The following GFRA1 variants were observed in gnomAD, a reference collection of about 807,000 sequenced individuals.
GFRA1 encodes the protein GDNF family receptor alpha 1, also known as GDNF family receptor alpha-1.
In GFRA1, 16 loss-of-function variants were observed where a neutral mutation model predicts 51.6. The observed-to-expected ratio is 0.31, with a 90% CI of 0.21 to 0.47. The LOEUF is 0.47. Among genes scored for constraint, GFRA1 ranks in the 20% least tolerant of loss-of-function variants. The pLI, the probability that GFRA1 is intolerant of heterozygous loss-of-function variation, is 1.00. For missense variants in GFRA1, 530 were observed against 594.3 expected, an observed-to-expected ratio of 0.89 and a Z score of 1.13; for synonymous variants, 270 against 241.3, an observed-to-expected ratio of 1.12 and a Z score of -1.10.
At chr10:116,218,527 G>T (rs1965714791) in intron 4 of GFRA1, among the ~76,000 whole-genome samples, 1 of 152,158 alleles carries the variant, frequency 6.6e-6, no homozygotes, top group Non-Finnish European at 1.5e-5. Context: ...CCGGAGCATG[G>T]CCAGAGTCCA....
chr10:116,200,221 C>A (rs1964220234), intron 5 of GFRA1, among the ~76,000 whole-genome samples: 1 of 152,112 alleles, frequency 6.6e-6, no homozygotes, highest in Non-Finnish European at 1.5e-5. Context: ...TTCTCTGGGG[C>A]CTGGGTGAGA....
In GFRA1 at chr10:116,219,497, A is replaced by G. The variant is rs562185839; in HGVS notation, c.419-7852T>C. ...ATTATTAAAATCTCTATGATATGAA[A>G]CTATATTAAAATCGATCCCTCTAGC... On this transcript the variant is annotated intron_variant, in intron 4 of 10. Coordinates refer to ENST00000355422, the MANE Select transcript of GFRA1 (RefSeq NM_005264.8). 6.6e-5 allele frequency among the ~76,000 whole-genome samples: 10 copies of G among 152,270 alleles called. No homozygotes were observed. In the South Asian group the frequency reaches 2.1e-3, roughly 32 times the overall value.
At chr10:116,076,535 C>CA (rs1333328363) in intron 9 of GFRA1, among the ~76,000 whole-genome samples, 1 of 152,130 alleles carries the variant, frequency 6.6e-6, no homozygotes, top group Admixed American at 6.5e-5. Context: ...GTGGAGGGTT[C>CA]AAAATCAGCC....
At chr10:116,066,700 T>A (rs1042183083) in intron 9 of GFRA1, among the ~76,000 whole-genome samples, 1 of 152,212 alleles carries the variant, frequency 6.6e-6, no homozygotes, top group Non-Finnish European at 1.5e-5. Context: ...TGCTACCTCC[T>A]GCATCACAGT....
At chr10:116,274,317 C>G (rs1844141273), upstream of GFRA1, among the ~76,000 whole-genome samples, 1 of 152,164 alleles carries the variant, frequency 6.6e-6, no homozygotes, top group African/African-American at 2.4e-5. Context: ...TCGGGGAGAC[C>G]GAGTTTGAAT....
At chr10:116,235,233 G>A (rs570617043) in intron 4 of GFRA1, among the ~76,000 whole-genome samples, 1 of 152,182 alleles carries the variant, frequency 6.6e-6, no homozygotes, top group African/African-American at 2.4e-5. Flanking sequence ...ACAGAGGGAA[G>A]ACACATGTGG....
rs137930980 is a variant in GFRA1, at chr10:116,169,807, C to T, written c.433+41824G>A. Among the ~76,000 whole-genome samples, 211 of 152,256 alleles carry T rather than the reference C, an allele frequency of 1.4e-3. 2 individuals are homozygous for T. In the East Asian group the frequency reaches 0.034, roughly 24 times the overall value. On this transcript the variant is annotated intron_variant, in intron 5 of 10. Transcript: ENST00000355422. ...TGGGCACTAGACAAGGACCCAGGTG[C>T]GGGTGCAAGAAGCTGTCACAGTGAC... is the stretch of plus-strand genomic sequence containing the variant.
chr10:116,089,862 G>A lies in GFRA1; in HGVS notation c.1076C>T (p.Pro359Leu). Residue 359 changes from proline to leucine, a missense_variant, in exon 9 of 11, where the codon CCA becomes CTA. Pro to Leu is a moderately conservative substitution (Grantham distance 98). Transcript: ENST00000355422. ...SDVTVWQPAF[P>L]VQTTTATTTT... is the part of the protein sequence containing the mutation. ...GGTAGTGGCAGTGGTGGTCTGTACT[G>A]GGAAGGCTGGCTGCCACACGGTCAC... 6.2e-7 allele frequency: 1 copy of A among 1,614,038 alleles called. No individual in the cohort carries two copies. The highest frequency in any genetic ancestry group is 8.5e-7 in the Non-Finnish European group (1 of 1,179,992).
chr10:116,175,487 C>T lies in GFRA1; in HGVS notation c.433+36144G>A, dbSNP rs373165649. 6.6e-5 allele frequency among the ~76,000 whole-genome samples: 10 copies of T among 152,224 alleles called. 1 individual carries two copies. The East Asian group carries it at 1.7e-3, about 26-fold the overall frequency. ...TTACCATGCATAGATCATTAAAGGGCGAGATTAATGTTAGTTGATTTTATG... is the reference window on the plus strand; with the variant it reads ...TTACCATGCATAGATCATTAAAGGGTGAGATTAATGTTAGTTGATTTTATG... On this transcript the variant is annotated intron_variant, in intron 5 of 10. Transcript: ENST00000355422.
At chr10:116,172,813 A>C (rs1961172563) in intron 5 of GFRA1, among the ~76,000 whole-genome samples, 1 of 152,172 alleles carries the variant, frequency 6.6e-6, no homozygotes, top group East Asian at 1.9e-4. Flanking sequence ...ACGCCCCAGC[A>C]CCTCACAGTG....
At chr10:116,152,050 G>A (rs1959084917) in intron 5 of GFRA1, among the ~76,000 whole-genome samples, 1 of 152,188 alleles carries the variant, frequency 6.6e-6, no homozygotes, top group Admixed American at 6.5e-5. Context: ...TGTGTCTGGA[G>A]CATAGCGTGT....
intron 5 of GFRA1, among the ~76,000 whole-genome samples, chr10:116,148,023 C>CGCATGCATGTGTCCATGTGCGTGTGT (rs1565610270): frequency 7.3e-6 from 1 of 136,840 alleles, no homozygotes; most frequent in East Asian, 2.1e-4. Flanking sequence ...CGTGTGTGCG[C>CGCATGCATGTGTCCATGTGCGTGTGT]GCATGCATGT....
chr10:116,065,659 A>G lies in GFRA1; in HGVS notation c.1198-33T>C, dbSNP rs113238389. The G allele has an allele frequency of 1.1e-4, 172 of 1,573,250 alleles. No individual in the cohort carries two copies. In the African/African-American group the frequency reaches 1.9e-3, roughly 17 times the overall value. ...GGGACAAGAAAAAAAATGCTCAAACATAATACAGAAGAGTAATTACTGATG... is the reference window on the plus strand; with the variant it reads ...GGGACAAGAAAAAAAATGCTCAAACGTAATACAGAAGAGTAATTACTGATG... On this transcript the variant is annotated intron_variant, in intron 9 of 10. Transcript: ENST00000355422.
In GFRA1 at chr10:116,096,774, G is replaced by T. The variant is rs778381697; in HGVS notation, c.771-10C>A. 2.3e-5 allele frequency: 33 copies of T among 1,440,452 alleles called. No individual in the cohort carries two copies. In the Admixed American group the frequency reaches 3.9e-4, roughly 17 times the overall value. 89.2% of individuals were successfully genotyped at this position (1,440,452 alleles called of 1,614,324 possible). A position where few individuals can be genotyped will look rare whatever the true frequency, so the allele number is the denominator to read the frequency against. ...ATCCGCAAGGCGAGATCTACAATAG[G>T]AAAAAAGGGGTGGGGGGTGGAAATG... On this transcript the variant is annotated splice_polypyrimidine_tract_variant and intron_variant, in intron 6 of 10. Coordinates refer to ENST00000355422, the MANE Select transcript of GFRA1 (RefSeq NM_005264.8).
intron 5 of GFRA1, among the ~76,000 whole-genome samples, chr10:116,185,006 G>GA (rs1251140076): frequency 6.6e-6 from 1 of 152,054 alleles, no homozygotes; most frequent in Non-Finnish European, 1.5e-5. Context: ...TTTTTCCATC[G>GA]AAAAATATAT....
intron 4 of GFRA1, among the ~76,000 whole-genome samples, chr10:116,214,940 C>T (rs184229748): frequency 5.9e-5 from 9 of 152,282 alleles, no homozygotes; most frequent in African/African-American, 1.7e-4. Context: ...CAAAAACTCA[C>T]AGTAGCTATT....
At chr10:116,135,518 C>T (rs925039279) in intron 5 of GFRA1, among the ~76,000 whole-genome samples, 1 of 152,150 alleles carries the variant, frequency 6.6e-6, no homozygotes, top group African/African-American at 2.4e-5. Context: ...ATTAAGATGG[C>T]ACAATTTAGT....
chr10:116,214,930 C>T (rs1228549929), intron 4 of GFRA1, among the ~76,000 whole-genome samples: 1 of 152,128 alleles, frequency 6.6e-6, no homozygotes, highest in Non-Finnish European at 1.5e-5. Flanking sequence ...TCTTCGATTC[C>T]AAAAACTCAC....
At chr10:116,121,343 A>G (rs1489154085) in intron 6 of GFRA1, among the ~76,000 whole-genome samples, 2 of 152,082 alleles carry the variant, frequency 1.3e-5, no homozygotes, top group African/African-American at 4.8e-5. Context: ...CCTTCTAATA[A>G]TACCTCTGCA....
Sources: gnomAD v4.1 joint callset for allele counts (sites outside exome capture counted in the v4.1 genomes callset) on GRCh38, gnomAD v4.1.1 for gene constraint, MANE v1.5 for transcripts, NCBI Gene and HGNC (gene_info 2026-07-23, HGNC 2026-07-21) for gene names.